Variants in CSMD1 observed in about 807,000 individuals in gnomAD.
The protein encoded by CSMD1 is CUB and sushi domain-containing protein 1.
In CSMD1, 213 loss-of-function variants were observed where a neutral mutation model predicts 417.5. The observed-to-expected ratio is 0.51, with a 90% CI of 0.46 to 0.57. CSMD1 has a LOEUF of 0.57. Among genes scored for constraint, CSMD1 ranks in the 20% least tolerant of loss-of-function variants. CSMD1 has a pLI of 0.00. For synonymous variants in CSMD1, 2,862 were observed against 1,736.8 expected (o/e 1.65, Z -16.11); for missense variants, 6,923 against 4,529.7 (o/e 1.53, Z -15.17).
intron 2 of CSMD1, among the ~76,000 whole-genome samples, chr8:4,447,008 A>G (rs966272950): frequency 6.6e-6 from 1 of 151,826 alleles, no homozygotes; most frequent in Non-Finnish European, 1.5e-5. Flanking sequence ...AAACTGTTGC[A>G]TGGAAGGGAT....
intron 37 of CSMD1, among the ~76,000 whole-genome samples, chr8:3,176,764 T>G (rs1233838165): frequency 6.9e-6 from 1 of 143,970 alleles, no homozygotes; most frequent in African/African-American, 2.6e-5. Flanking sequence ...TTTTCTTTCT[T>G]TCTTTTTCTT....
rs181752727 is a variant in CSMD1 at position 4,372,456 on chromosome 8, C to G, written c.415+47497G>C. Among the ~76,000 whole-genome samples the G allele has an allele frequency of 6.9e-4, 105 of 151,508 alleles. 1 individual carries two copies. The highest frequency in any genetic ancestry group is 5.9e-4 in the Non-Finnish European group (40 of 67,930). ...ATACCATGAATTAGTGAACTCAATT[C>G]AAGGGCAATAGTTAAGTGTCACTTA... On this transcript the variant is annotated intron_variant, in intron 3 of 69. Transcript: ENST00000635120.
chr8:3,744,568 G>C (rs757039275), intron 6 of CSMD1, among the ~76,000 whole-genome samples: 4 of 152,200 alleles, frequency 2.6e-5, no homozygotes, highest in Non-Finnish European at 4.4e-5. Flanking sequence ...CCCATGACTA[G>C]TTTGTCAATG....
At chr8:3,697,387 C>T (rs1800613585) in intron 7 of CSMD1, among the ~76,000 whole-genome samples, 1 of 152,188 alleles carries the variant, frequency 6.6e-6, no homozygotes, top group South Asian at 2.1e-4. Flanking sequence ...CTTTGATCAT[C>T]TGAGTTCATC....
intron 3 of CSMD1, among the ~76,000 whole-genome samples, chr8:4,284,239 G>A (rs966170012): frequency 8.5e-5 from 13 of 152,098 alleles, no homozygotes; most frequent in African/African-American, 2.7e-4. Context: ...GTGGTGGCAC[G>A]TGCCTGTAAT....
intron 50 of CSMD1, among the ~76,000 whole-genome samples, chr8:3,045,401 A>G: frequency 6.6e-6 from 1 of 152,310 alleles, no homozygotes; most frequent in Non-Finnish European, 1.5e-5. Context: ...ACAAAAAAAA[A>G]TAGGTATAAG....
At chr8:4,895,650 G>A (rs1045147089) in intron 1 of CSMD1, among the ~76,000 whole-genome samples, 1 of 151,676 alleles carries the variant, frequency 6.6e-6, no homozygotes, top group African/African-American at 2.4e-5. Flanking sequence ...TTGGTCTGAT[G>A]AGGCTCCTTT....
chr8:2,966,784 T>C (rs772768402), intron 57 of CSMD1, 38 bp from the exon 58 acceptor site: 2 of 1,595,294 alleles, frequency 1.3e-6, no homozygotes, highest in Non-Finnish European at 1.7e-6. Flanking sequence ...ACACAGTGAG[T>C]GACCCAGCAT....
chr8:3,014,489 A>C (rs1808671660), intron 52 of CSMD1, among the ~76,000 whole-genome samples: 1 of 152,184 alleles, frequency 6.6e-6, no homozygotes, highest in African/African-American at 2.4e-5. Context: ...TATCTCACCA[A>C]GAACACTGCC....
At chr8:3,482,130 G>A (rs1454524910) in intron 11 of CSMD1, among the ~76,000 whole-genome samples, 1 of 152,128 alleles carries the variant, frequency 6.6e-6, no homozygotes, top group Non-Finnish European at 1.5e-5. Flanking sequence ...AAAGGGGAAT[G>A]AGAACCAGAA....
chr8:3,723,584 T>C (rs141135269), intron 6 of CSMD1, among the ~76,000 whole-genome samples: 455 of 152,358 alleles, frequency 3.0e-3, no homozygotes, highest in African/African-American at 0.01. Context: ...ATAGTCTTTT[T>C]GCCAATGATG....
At chr8:4,498,069 C>T (rs764836507) in intron 2 of CSMD1, among the ~76,000 whole-genome samples, 1 of 152,088 alleles carries the variant, frequency 6.6e-6, no homozygotes, top group Non-Finnish European at 1.5e-5. Context: ...TGTGAGATAC[C>T]CTGCTTATAC....
At chr8:4,913,278 G>GT (rs1194045682) in intron 1 of CSMD1, among the ~76,000 whole-genome samples, 6 of 152,170 alleles carry the variant, frequency 3.9e-5, no homozygotes, top group African/African-American at 7.2e-5. Flanking sequence ...CCACAGGTTT[G>GT]TGGATTCTAT....
intron 50 of CSMD1, among the ~76,000 whole-genome samples, chr8:3,045,059 A>T (rs1811343640): frequency 6.6e-6 from 1 of 152,210 alleles, no homozygotes; most frequent in South Asian, 2.1e-4. Flanking sequence ...CAGCCCTTGA[A>T]TACCAAGGAA....
At chr8:4,420,502 TTATC>T (rs1399841907) in intron 2 of CSMD1, among the ~76,000 whole-genome samples, 5 of 152,256 alleles carry the variant, frequency 3.3e-5, no homozygotes, top group Admixed American at 1.3e-4. Context: ...CCAGCATGCA[TTATC>T]TATTTTTCCT....
chr8:3,764,683 G>A (rs936542011), intron 5 of CSMD1, among the ~76,000 whole-genome samples: 1 of 151,672 alleles, frequency 6.6e-6, no homozygotes, highest in Admixed American at 6.6e-5. Flanking sequence ...ATCTAGAGCA[G>A]TAATCACCTG....
intron 5 of CSMD1, among the ~76,000 whole-genome samples, chr8:3,996,609 A>G (rs1815242808): frequency 6.6e-6 from 1 of 152,196 alleles, no homozygotes. Context: ...TAATAATTTA[A>G]ACAAATTCCT....
At chr8:4,309,561 G>A (rs529284978) in intron 3 of CSMD1, among the ~76,000 whole-genome samples, 1 of 152,002 alleles carries the variant, frequency 6.6e-6, no homozygotes, top group Non-Finnish European at 1.5e-5. Context: ...CTCACATCAA[G>A]CAGCCAAACT....
chr8:4,449,263 T>C (rs1798990635), intron 2 of CSMD1, among the ~76,000 whole-genome samples: 1 of 152,188 alleles, frequency 6.6e-6, no homozygotes, highest in Non-Finnish European at 1.5e-5. Context: ...AGGTTGTAAC[T>C]ATTGAAAGGA....
Sources: allele counts gnomAD v4.1 joint callset (sites outside exome capture counted in the v4.1 genomes callset), GRCh38; gene constraint gnomAD v4.1.1; transcripts MANE v1.5; gene names NCBI Gene and HGNC (gene_info 2026-07-23, HGNC 2026-07-21).